HIVEP1: variants seen among roughly 807,000 people sequenced by gnomAD.
HIVEP1 encodes HIVEP zinc finger 1.
A neutral mutation model predicts 180.0 loss-of-function variants in HIVEP1; 36 were observed. The ratio of observed to expected loss-of-function variants is 0.20; its 90% CI spans 0.15 to 0.26. The LOEUF (loss-of-function observed/expected upper bound fraction) is 0.26, where lower values mean the gene tolerates loss of function less well. Ranked by LOEUF, HIVEP1 falls within the 10% of genes least tolerant of loss-of-function variation. The pLI is 1.00. For synonymous variants in HIVEP1, 1,239 were observed against 1,239.0 expected (o/e 1.00, Z 0.00); for missense variants, 3,143 against 3,268.7 (o/e 0.96, Z 0.94).
chr6:12,124,786 T>C lies in HIVEP1; in HGVS notation c.4991T>C (p.Leu1664Pro). 1 of 1,614,202 alleles carries C rather than the reference T, an allele frequency of 6.2e-7. No homozygotes were observed. ...SLPQILVTQD[L>P]PNQPICQTNH... ...CCACAAATACTAGTGACCCAAGATC[T>C]GCCCAATCAGCCAATTTGCCAGACT... is the stretch of plus-strand genomic sequence containing the variant. The change falls in exon 4 of 9, where the codon CTG (leucine) becomes CCG (proline). Residue 1664 changes from leucine to proline, a missense_variant. Physicochemically the swap from Leu to Pro is moderately conservative, Grantham distance 98. Transcript: ENST00000379388.
At chr6:12,143,869 G>A (rs911578783) in intron 7 of HIVEP1, among the ~76,000 whole-genome samples, 6 of 152,118 alleles carry the variant, frequency 3.9e-5, no homozygotes, top group Non-Finnish European at 7.3e-5. Flanking sequence ...ACAAACCACT[G>A]CTCAACAAAA....
chr6:12,127,501 C>G (rs927151958), intron 4 of HIVEP1, among the ~76,000 whole-genome samples: 1 of 152,162 alleles, frequency 6.6e-6, no homozygotes, highest in Non-Finnish European at 1.5e-5. Flanking sequence ...TACCAAATGC[C>G]TTGGAAGAAA....
chr6:12,089,604 CT>C (rs5874363), intron 3 of HIVEP1, among the ~76,000 whole-genome samples: 44 of 145,708 alleles, frequency 3.0e-4, no homozygotes, highest in Middle Eastern at 3.5e-3. Context: ...ATGCAGTTTT[CT>C]TTTTTTTTTT....
chr6:12,130,173 G>A (rs1169945000), intron 5 of HIVEP1, among the ~76,000 whole-genome samples: 1 of 152,146 alleles, frequency 6.6e-6, no homozygotes, highest in African/African-American at 2.4e-5. Flanking sequence ...TTTACAGTAA[G>A]GAATGACCTA....
intron 2 of HIVEP1, among the ~76,000 whole-genome samples, chr6:12,028,355 T>G (rs1768719746): frequency 6.6e-6 from 1 of 152,224 alleles, no homozygotes; most frequent in Admixed American, 6.5e-5. Flanking sequence ...CCATAATGGC[T>G]TCACGTGAAA....
intron 3 of HIVEP1, among the ~76,000 whole-genome samples, chr6:12,096,232 A>G (rs1773775579): frequency 6.6e-6 from 1 of 152,026 alleles, no homozygotes; most frequent in Non-Finnish European, 1.5e-5. Flanking sequence ...GCCTAAATAT[A>G]CATAGGTAGT....
the HIVEP1 span, among the ~76,000 whole-genome samples, chr6:12,191,746 T>C: frequency 1.3e-5 from 2 of 152,230 alleles, no homozygotes; most frequent in Non-Finnish European, 2.9e-5. Flanking sequence ...ACTTTAATAA[T>C]AGAACCAATG....
At chr6:12,022,294 C>T (rs936278902) in intron 2 of HIVEP1, among the ~76,000 whole-genome samples, 2 of 152,070 alleles carry the variant, frequency 1.3e-5, no homozygotes, top group Admixed American at 6.5e-5. Context: ...CCTCAGCCTC[C>T]TGAGTAGCTG....
At chr6:12,100,545 A>G (rs748087151) in intron 3 of HIVEP1, among the ~76,000 whole-genome samples, 1 of 152,226 alleles carries the variant, frequency 6.6e-6, no homozygotes, top group African/African-American at 2.4e-5. Flanking sequence ...TAGAGATCCT[A>G]GAACTTTCTT....
At chr6:12,209,652 A>C in the HIVEP1 span, among the ~76,000 whole-genome samples, 1 of 152,184 alleles carries the variant, frequency 6.6e-6, no homozygotes, top group Non-Finnish European at 1.5e-5. Flanking sequence ...ATTAATAATA[A>C]TCATCATAAT....
chr6:12,020,428 C>T, intron 2 of HIVEP1: 1 of 471,114 alleles, frequency 2.1e-6, no homozygotes, highest in Non-Finnish European at 4.4e-6. Context: ...GGTGAGTTGA[C>T]AGCAGGGCAG....
At chr6:12,205,376 CAGG>C in the HIVEP1 span, among the ~76,000 whole-genome samples, 1 of 151,884 alleles carries the variant, frequency 6.6e-6, no homozygotes, top group African/African-American at 2.4e-5. Context: ...GAGGCTGAAG[CAGG>C]AGAACGGCGT....
chr6:12,050,854 T>G (rs1370461444), intron 2 of HIVEP1, among the ~76,000 whole-genome samples: 2 of 151,508 alleles, frequency 1.3e-5, no homozygotes, highest in African/African-American at 2.4e-5. Flanking sequence ...TATTGAAATG[T>G]TCTATTGATG....
chr6:12,154,665 G>A (rs1169855036), intron 7 of HIVEP1, among the ~76,000 whole-genome samples: 1 of 151,992 alleles, frequency 6.6e-6, no homozygotes, highest in Non-Finnish European at 1.5e-5. Flanking sequence ...GGGAGGGAGA[G>A]CATTAGGACA....
In HIVEP1 at chr6:12,163,804, C is replaced by T. The variant is rs924313555; in HGVS notation, c.7500C>T (p.Gly2500=). The change falls in exon 9 of 9, where the codon GGC becomes GGT. Residue 2500 remains glycine, a synonymous_variant. Coordinates refer to ENST00000379388, the MANE Select transcript of HIVEP1 (RefSeq NM_002114.4). ...SLSMETVNIV[G]LANTNMAPQV... ...GCATGGAAACCGTCAATATTGTAGG[C>T]CTAGCCAATACAAATATGGCCCCAC... 2 of 1,614,164 alleles carry T rather than the reference C, an allele frequency of 1.2e-6. No homozygotes were observed. Among genetic ancestry groups the T allele is most frequent in the Non-Finnish European group, 1.7e-6 (2 of 1,180,030 alleles).
intron 5 of HIVEP1, 40 bp downstream of exon 5, chr6:12,129,932 G>GT: frequency 7.3e-7 from 1 of 1,375,176 alleles, no homozygotes; most frequent in African/African-American, 1.5e-5. Context: ...CATTTAAACT[G>GT]ACTTTTTAAA....
At chr6:12,114,327 T>A (rs1184297428) in intron 3 of HIVEP1, among the ~76,000 whole-genome samples, 1 of 152,230 alleles carries the variant, frequency 6.6e-6, no homozygotes, top group East Asian at 1.9e-4. Context: ...TGTATCTGAA[T>A]GTGATATTCA....
chr6:12,015,392 A>G, intron 1 of HIVEP1, 134 bp from the exon 2 acceptor site: 1 of 401,458 alleles, frequency 2.5e-6, no homozygotes, highest in Non-Finnish European at 4.4e-6. Context: ...AAAAGTTAGT[A>G]ATCTTTTGCA....
intron 3 of HIVEP1, among the ~76,000 whole-genome samples, chr6:12,096,114 C>A (rs1232261682): frequency 6.6e-6 from 1 of 151,966 alleles, no homozygotes; most frequent in Non-Finnish European, 1.5e-5. Flanking sequence ...CCAGTAATTT[C>A]TTTTCAGCAG....
Sources: gnomAD v4.1 joint callset for allele counts (sites outside exome capture counted in the v4.1 genomes callset) on GRCh38, gnomAD v4.1.1 for gene constraint, MANE v1.5 for transcripts, NCBI Gene and HGNC (gene_info 2026-07-23, HGNC 2026-07-21) for gene names.